Variants in KCNIP4 observed in about 807,000 individuals in gnomAD.
The protein encoded by KCNIP4 is potassium voltage-gated channel interacting protein 4.
A neutral mutation model predicts 34.0 loss-of-function variants in KCNIP4; 12 were observed. The ratio of observed to expected loss-of-function variants is 0.35; its 90% CI spans 0.23 to 0.57. The LOEUF (loss-of-function observed/expected upper bound fraction) is 0.57, where lower values mean the gene tolerates loss of function less well. KCNIP4 is among the 20% of genes least tolerant of loss of function. KCNIP4 has a pLI of 0.83. For synonymous variants in KCNIP4, 124 were observed against 102.2 expected (o/e 1.21, Z -1.29); for missense variants, 238 against 311.7 (o/e 0.76, Z 1.78).
intron 1 of KCNIP4, among the ~76,000 whole-genome samples, chr4:21,312,855 G>A (rs1056561228): frequency 8.1e-4 from 123 of 152,254 alleles, no homozygotes; most frequent in African/African-American, 2.9e-3. Flanking sequence ...TGGAGAATCC[G>A]TCTTTCAGCT....
intron 3 of KCNIP4, among the ~76,000 whole-genome samples, chr4:20,846,698 C>T (rs868642137): frequency 2.1e-4 from 32 of 152,074 alleles, no homozygotes; most frequent in Admixed American, 1.1e-3. Flanking sequence ...CCAAAGACTT[C>T]ATGCGATTCC....
intron 1 of KCNIP4, among the ~76,000 whole-genome samples, chr4:21,606,980 C>T (rs969998596): frequency 2.0e-5 from 3 of 152,092 alleles, no homozygotes; most frequent in South Asian, 2.1e-4. Flanking sequence ...GGGTTCCTCA[C>T]ATATAACTCA....
intron 1 of KCNIP4, among the ~76,000 whole-genome samples, chr4:21,649,935 C>G (rs761383018): frequency 2.0e-5 from 3 of 152,162 alleles, no homozygotes; most frequent in Non-Finnish European, 4.4e-5. Flanking sequence ...TGGCTTATTC[C>G]AACTTTGCAA....
At chr4:21,478,731 A>C (rs79169609) in intron 1 of KCNIP4, among the ~76,000 whole-genome samples, 1 of 152,284 alleles carries the variant, frequency 6.6e-6, no homozygotes, top group East Asian at 1.9e-4. Flanking sequence ...AAGCAGTATA[A>C]ATTTCGGAAT....
chr4:20,761,170 C>T (rs774783801), intron 3 of KCNIP4, among the ~76,000 whole-genome samples: 2 of 152,042 alleles, frequency 1.3e-5, no homozygotes, highest in Non-Finnish European at 2.9e-5. Context: ...CCTTGTTCAC[C>T]AGCACCCTGC....
At chr4:21,624,696 T>TA (rs2109186795) in intron 1 of KCNIP4, among the ~76,000 whole-genome samples, 1 of 152,106 alleles carries the variant, frequency 6.6e-6, no homozygotes, top group Non-Finnish European at 1.5e-5. Flanking sequence ...CTCTGTCAAA[T>TA]AAAAAAGGTA....
At chr4:21,155,031 G>C (rs1466409787) in intron 1 of KCNIP4, among the ~76,000 whole-genome samples, 1 of 152,168 alleles carries the variant, frequency 6.6e-6, no homozygotes, top group East Asian at 1.9e-4. Context: ...CCTTTAAAAA[G>C]AAAAATAAAA....
At chr4:21,547,725 T>C (rs1460144687) in intron 1 of KCNIP4, among the ~76,000 whole-genome samples, 2 of 152,156 alleles carry the variant, frequency 1.3e-5, no homozygotes, top group Non-Finnish European at 2.9e-5. Flanking sequence ...ACAAGTGTTT[T>C]AGATTTCAGA....
At chr4:21,872,970 A>G (rs1015663933) in intron 1 of KCNIP4, among the ~76,000 whole-genome samples, 2 of 152,208 alleles carry the variant, frequency 1.3e-5, no homozygotes, top group Admixed American at 6.5e-5. Flanking sequence ...CTAATCATTC[A>G]TGATTTCCAA....
In KCNIP4 at chr4:21,081,363, A is replaced by G. The variant is rs1263130253; in HGVS notation, c.62-198654T>C. ...AACATTCTTATTAGTGATTATGCCC[A>G]TATTTTTTTGATACATCTACAGTTA... On this transcript the variant is annotated intron_variant, in intron 1 of 8. Coordinates refer to ENST00000382152, the MANE Select transcript of KCNIP4 (RefSeq NM_025221.6). Among the ~76,000 whole-genome samples, 2 of 151,762 alleles carry G rather than the reference A, an allele frequency of 1.3e-5. 1 individual carries two copies. The highest frequency in any genetic ancestry group is 4.9e-5 in the African/African-American group (2 of 41,184).
chr4:21,668,202 A>T (rs1749166723), intron 1 of KCNIP4, among the ~76,000 whole-genome samples: 1 of 152,116 alleles, frequency 6.6e-6, no homozygotes, highest in Admixed American at 6.5e-5. Context: ...GGACACAGAG[A>T]GGGGAACGTC....
At chr4:21,032,324 G>A (rs1333630706) in intron 1 of KCNIP4, among the ~76,000 whole-genome samples, 1 of 152,116 alleles carries the variant, frequency 6.6e-6, no homozygotes, top group African/African-American at 2.4e-5. Flanking sequence ...GTTGTCTGGA[G>A]AGCTGGGGAA....
At chr4:20,905,509 C>CTTTCTTTTTTTTTT (rs71655610) in intron 1 of KCNIP4, among the ~76,000 whole-genome samples, 24 of 72,802 alleles carry the variant, frequency 3.3e-4, no homozygotes, top group Non-Finnish European at 3.8e-4. Flanking sequence ...CGTTTTCTTT[C>CTTTCTTTTTTTTTT]TTTTTTTTTT....
At chr4:20,740,101 A>G (rs1578455898) in intron 5 of KCNIP4, among the ~76,000 whole-genome samples, 1 of 152,206 alleles carries the variant, frequency 6.6e-6, no homozygotes, top group Non-Finnish European at 1.5e-5. Context: ...GGCCAAATCT[A>G]CGTCTGATTG....
At chr4:21,921,478 C>G (rs1406481213) in intron 1 of KCNIP4, among the ~76,000 whole-genome samples, 1 of 152,122 alleles carries the variant, frequency 6.6e-6, no homozygotes, top group African/African-American at 2.4e-5. Flanking sequence ...ATATCCAATT[C>G]CCTAGTTGAC....
chr4:21,507,494 C>A (rs1701513793), intron 1 of KCNIP4, among the ~76,000 whole-genome samples: 1 of 152,020 alleles, frequency 6.6e-6, no homozygotes, highest in African/African-American at 2.4e-5. Flanking sequence ...TGAGCTCAGA[C>A]AATCTGCCCG....
At chr4:21,913,754 A>T in intron 1 of KCNIP4, among the ~76,000 whole-genome samples, 1 of 152,184 alleles carries the variant, frequency 6.6e-6, no homozygotes, top group Non-Finnish European at 1.5e-5. Context: ...TATTGAAAAA[A>T]ATATGGCAGG....
intron 4 of KCNIP4, 111 bp downstream of exon 4, chr4:20,758,707 ATTC>A: frequency 1.2e-6 from 1 of 806,250 alleles, no homozygotes; most frequent in East Asian, 2.5e-5. Context: ...CTGTGCATTA[ATTC>A]TTTTACATAA....
chr4:21,608,630 C>T (rs923166906), intron 1 of KCNIP4, among the ~76,000 whole-genome samples: 1 of 152,214 alleles, frequency 6.6e-6, no homozygotes, highest in African/African-American at 2.4e-5. Context: ...GCCTTTATCA[C>T]ATCTGCCAGG....
Sources: gnomAD v4.1 joint callset for allele counts (sites outside exome capture counted in the v4.1 genomes callset) on GRCh38, gnomAD v4.1.1 for gene constraint, MANE v1.5 for transcripts, NCBI Gene and HGNC (gene_info 2026-07-23, HGNC 2026-07-21) for gene names.